TGM3: variants seen among roughly 807,000 people sequenced by gnomAD.
TGM3 encodes transglutaminase 3.
In TGM3, 52 loss-of-function variants were observed where a neutral mutation model predicts 73.8. That is an observed-to-expected ratio of 0.70 (90% CI 0.56 to 0.89). TGM3 has a LOEUF of 0.89. TGM3 is among the 40% of genes least tolerant of loss of function. The pLI is 0.00. For missense variants in TGM3, 928 were observed against 909.9 expected (o/e 1.02, Z -0.26); for synonymous variants, 372 against 354.9 (o/e 1.05, Z -0.54).
chr20:2,316,644 C>G (rs1351417696), intron 5 of TGM3, among the ~76,000 whole-genome samples: 1 of 150,936 alleles, frequency 6.6e-6, no homozygotes, highest in Non-Finnish European at 1.5e-5. Flanking sequence ...TTCGTAAGAC[C>G]ATACACCAAA....
Position 2,311,600 on chromosome 20 carries a change from A to G in TGM3, c.540+471A>G, listed in dbSNP as rs45449401. On this transcript the variant is annotated intron_variant, in intron 4 of 12. Coordinates refer to ENST00000381458, the MANE Select transcript of TGM3 (RefSeq NM_003245.4). ...CCATTTGAGTCTACAGAGTTCTCAG[A>G]TTTGGTCAGTTTAGAAAACTTTCAA... Among the ~76,000 whole-genome samples the G allele has an allele frequency of 1.8e-4, 28 of 152,282 alleles. No homozygotes were observed. The East Asian group carries it at 5.0e-3, about 27-fold the overall frequency.
At chr20:2,325,428 C>G (rs763579953) in intron 7 of TGM3, among the ~76,000 whole-genome samples, 1 of 152,176 alleles carries the variant, frequency 6.6e-6, no homozygotes, top group African/African-American at 2.4e-5. Context: ...TCGGCCAACA[C>G]CAAGCACAGA....
chr20:2,305,620 C>T (rs2084172790), intron 1 of TGM3, among the ~76,000 whole-genome samples: 1 of 152,224 alleles, frequency 6.6e-6, no homozygotes. Context: ...TTTCCTCCTC[C>T]TCCAGCTCGG....
chr20:2,310,524 TG>T, intron 3 of TGM3, 107 bp downstream of exon 3: 22 of 1,524,824 alleles, frequency 1.4e-5, no homozygotes, highest in Non-Finnish European at 1.9e-5. Context: ...GGAAAGTCCA[TG>T]GGCTGTGGAA....
chr20:2,310,262 A>G lies in TGM3; in HGVS notation c.266A>G (p.Gln89Arg), dbSNP rs762388299. 6.8e-6 allele frequency: 11 copies of G among 1,614,228 alleles called. No homozygotes were observed. In the South Asian group the frequency reaches 1.1e-4, roughly 16 times the overall value. Residue 89 changes from glutamine to arginine, a missense_variant, in exon 3 of 13, where the codon CAG becomes CGG. Transcript: ENST00000381458. ...AGTGGTGGCTGGAGTGCGGTGCTTC[A>G]GGCCAGCAATGGCAATACTCTGACT... is the stretch of plus-strand genomic sequence containing the variant. ...GSSGGWSAVL[Q>R]ASNGNTLTIS...
At chr20:2,313,145 G>A (rs2084216018) in intron 5 of TGM3, 119 bp downstream of exon 5, 1 of 1,422,966 alleles carries the variant, frequency 7.0e-7, no homozygotes, top group East Asian at 2.5e-5. Flanking sequence ...ATTACAGCTG[G>A]TGGTTAGAAC....
chr20:2,315,354 C>T lies in TGM3; in HGVS notation c.670-1714C>T, dbSNP rs79152555. ...CCAGAGATGACCGTGCTGATAGCCA[C>T]TTTGGAGGCTGGAGCACCAGTGACT... On this transcript the variant is annotated intron_variant, in intron 5 of 12. Coordinates refer to ENST00000381458, the MANE Select transcript of TGM3 (RefSeq NM_003245.4). Among the ~76,000 whole-genome samples, 896 of 152,340 alleles carry T rather than the reference C, an allele frequency of 5.9e-3. 4 individuals are homozygous for T. Among genetic ancestry groups the T allele is most frequent in the South Asian group, 0.011 (53 of 4,824 alleles).
chr20:2,332,033 G>C lies in TGM3; in HGVS notation c.1365G>C (p.Lys455Asn). 6.2e-7 allele frequency: 1 copy of C among 1,612,524 alleles called. No individual in the cohort carries two copies. The highest frequency in any genetic ancestry group is 8.5e-7 in the Non-Finnish European group (1 of 1,179,062). The change falls in exon 10 of 13, where the codon AAG becomes AAC. Residue 455 changes from lysine (K) to asparagine (N), a missense_variant. Lys to Asn is a moderately conservative substitution (Grantham distance 94). Transcript: ENST00000381458. This position sits in a 1 kb window ranked among gnomAD's most constrained non-coding sequence, Gnocchi z 4.4. ...ACCAGGAAAGACAAGTGTTCCAAAA[G>C]GCTTTGGGGAAACTTAAACCCAACA... ...GSDQERQVFQKALGKLKPNTP... is the reference protein window; with the variant it reads ...GSDQERQVFQNALGKLKPNTP...
chr20:2,314,029 G>A (rs2084220973), intron 5 of TGM3, among the ~76,000 whole-genome samples: 1 of 152,014 alleles, frequency 6.6e-6, no homozygotes, highest in Non-Finnish European at 1.5e-5. Flanking sequence ...AATTAGCAGG[G>A]CATGGTAGCA....
At chr20:2,310,078 A>C in intron 2 of TGM3, 100 bp from the exon 3 acceptor site, 1 of 1,538,582 alleles carries the variant, frequency 6.5e-7, no homozygotes. Flanking sequence ...ATGGCGCTTC[A>C]TTGGCTCATG....
At chr20:2,331,168 G>A (rs1230691703) in intron 9 of TGM3, among the ~76,000 whole-genome samples, 2 of 152,082 alleles carry the variant, frequency 1.3e-5, no homozygotes. Flanking sequence ...CTGTGTTCCT[G>A]GAAGGTCAAC....
rs572363952 is a variant in TGM3 at position 2,339,776 on chromosome 20, C to T, written c.1801-78C>T. 456 of 1,592,922 alleles carry T rather than the reference C, an allele frequency of 2.9e-4. 4 individuals are homozygous for T. In the South Asian group the frequency reaches 4.6e-3, roughly 16 times the overall value. ...TGACATCACCCCCTTCACTCAGTCACCCTGCCCAGCCCTCACCAAGGTGCA... is the reference window on the plus strand; with the variant it reads ...TGACATCACCCCCTTCACTCAGTCATCCTGCCCAGCCCTCACCAAGGTGCA... On this transcript the variant is annotated intron_variant, in intron 11 of 12. Coordinates refer to ENST00000381458, the MANE Select transcript of TGM3 (RefSeq NM_003245.4).
At chr20:2,322,118 C>T (rs965893916) in intron 7 of TGM3, among the ~76,000 whole-genome samples, 4 of 151,930 alleles carry the variant, frequency 2.6e-5, no homozygotes, top group South Asian at 2.1e-4. Flanking sequence ...GAGTTCTAAC[C>T]GATCATGAAG....
At chr20:2,316,400 A>G (rs1205674156) in intron 5 of TGM3, among the ~76,000 whole-genome samples, 1 of 148,560 alleles carries the variant, frequency 6.7e-6, no homozygotes, top group African/African-American at 2.5e-5. Flanking sequence ...CCCCGTCTCT[A>G]TTAAAAATAC....
At chr20:2,312,619 A>C (rs1292712178) in intron 4 of TGM3, among the ~76,000 whole-genome samples, 1 of 152,034 alleles carries the variant, frequency 6.6e-6, no homozygotes, top group Non-Finnish European at 1.5e-5. Context: ...ATTTTTAATA[A>C]TTTTTTATTT....
chr20:2,336,340 A>G (rs139243829), intron 11 of TGM3, among the ~76,000 whole-genome samples: 12 of 152,062 alleles, frequency 7.9e-5, no homozygotes, highest in South Asian at 2.1e-4. Context: ...TTGGGGCCCA[A>G]TCAAGAGCCT....
In TGM3 at chr20:2,328,864, T is replaced by C; in HGVS notation, c.1333+499T>C. On this transcript the variant is annotated intron_variant, in intron 9 of 12. Transcript: ENST00000381458. The surrounding 1 kb of genome is among the most constrained non-coding windows in gnomAD (Gnocchi z 5.2). ...AGGTCTCCCAAGAAGCCAGATGAGG[T>C]GTGATTACATGGTGTGAATGCCTGA... Among the ~76,000 whole-genome samples, 1 of 152,150 alleles carries C rather than the reference T, an allele frequency of 6.6e-6. No individual in the cohort carries two copies. Among genetic ancestry groups the C allele is most frequent in the East Asian group, 1.9e-4 (1 of 5,188 alleles).
At chr20:2,339,718 A>G (rs1481254874) in intron 11 of TGM3, 136 bp from the exon 12 acceptor site, 1 of 1,172,404 alleles carries the variant, frequency 8.5e-7, no homozygotes, top group Non-Finnish European at 1.2e-6. Context: ...GGCACCTAGG[A>G]GGGCTAAATG....
chr20:2,336,878 C>T (rs965083468), intron 11 of TGM3, among the ~76,000 whole-genome samples: 1 of 152,118 alleles, frequency 6.6e-6, no homozygotes, highest in African/African-American at 2.4e-5. Flanking sequence ...CAATAAATTA[C>T]TTCCCTTGCA....
Sources: gnomAD v4.1 joint callset for allele counts (sites outside exome capture counted in the v4.1 genomes callset) on GRCh38, gnomAD v4.1.1 for gene constraint, Gnocchi (gnomAD v3.1) non-coding constraint, MANE v1.5 for transcripts, NCBI Gene and HGNC (gene_info 2026-07-23, HGNC 2026-07-21) for gene names.